HSD17B2: variants seen among roughly 807,000 people sequenced by gnomAD.
HSD17B2 encodes the protein hydroxysteroid 17-beta dehydrogenase 2, also known as 17-beta-hydroxysteroid dehydrogenase type 2.
HSD17B2 carries 32 observed loss-of-function variants against 26.9 expected under a neutral mutation model. The ratio of observed to expected loss-of-function variants is 1.19; its 90% confidence interval spans 0.90 to 1.60. The LOEUF is 1.60. Ranked by LOEUF, HSD17B2 falls within the 40% of genes most tolerant of loss-of-function variation. HSD17B2 has a pLI of 0.00. For missense variants in HSD17B2, 613 were observed against 468.6 expected (o/e 1.31, Z -2.85); for synonymous variants, 246 against 186.7 (o/e 1.32, Z -2.59).
At chr16:82,047,547 TATA>T (rs1295784254) in intron 1 of HSD17B2, among the ~76,000 whole-genome samples, 1 of 152,024 alleles carries the variant, frequency 6.6e-6, no homozygotes, top group African/African-American at 2.4e-5. Flanking sequence ...TGCAGGACAG[TATA>T]ATGTGTGAGA....
At chr16:82,064,134 G>A (rs1321260185) in intron 1 of HSD17B2, among the ~76,000 whole-genome samples, 3 of 152,202 alleles carry the variant, frequency 2.0e-5, no homozygotes, top group Non-Finnish European at 4.4e-5. Flanking sequence ...CTCTTCCAAG[G>A]AACTTTCCTA....
At chr16:82,068,787 C>T (rs1032346118) in intron 2 of HSD17B2, among the ~76,000 whole-genome samples, 1 of 152,202 alleles carries the variant, frequency 6.6e-6, no homozygotes, top group African/African-American at 2.4e-5. Context: ...TGGCTACGCT[C>T]CACGGAACCC....
At chr16:82,082,437 A>G (rs570365393) in intron 3 of HSD17B2, among the ~76,000 whole-genome samples, 6 of 152,322 alleles carry the variant, frequency 3.9e-5, no homozygotes, top group African/African-American at 1.2e-4. Flanking sequence ...CACATTTTAA[A>G]AATCCATTCA....
intron 1 of HSD17B2, among the ~76,000 whole-genome samples, chr16:82,055,650 G>C (rs1208719244): frequency 6.6e-6 from 1 of 152,210 alleles, no homozygotes; most frequent in Non-Finnish European, 1.5e-5. Context: ...AATGATAGAA[G>C]TTATTGACAT....
chr16:82,039,330 TGAGA>T (rs34511068), intron 1 of HSD17B2, among the ~76,000 whole-genome samples: 66,313 of 143,322 alleles, frequency 0.46, 17,990 homozygotes, highest in Non-Finnish European at 0.61. Context: ...AGTTAGCAGA[TGAGA>T]GAGAGAGAGA....
intron 1 of HSD17B2, among the ~76,000 whole-genome samples, chr16:82,048,759 T>C (rs889352099): frequency 6.6e-6 from 1 of 152,216 alleles, no homozygotes; most frequent in African/African-American, 2.4e-5. Flanking sequence ...GCAATTTACT[T>C]ATATAGGAAA....
intron 1 of HSD17B2, among the ~76,000 whole-genome samples, chr16:82,060,187 A>T (rs945766227): frequency 6.6e-6 from 1 of 152,228 alleles, no homozygotes; most frequent in African/African-American, 2.4e-5. Context: ...GGATTGCCTA[A>T]GTCTTAAACT....
chr16:82,053,664 T>C (rs1914176367), intron 1 of HSD17B2, among the ~76,000 whole-genome samples: 3 of 152,138 alleles, frequency 2.0e-5, no homozygotes, highest in African/African-American at 7.2e-5. Context: ...AGAGAGAAGC[T>C]GAGTGAATTG....
intron 4 of HSD17B2, chr16:82,091,784 G>C (rs2142367417): frequency 6.6e-6 from 1 of 152,474 alleles, no homozygotes; most frequent in East Asian, 1.9e-4. Context: ...GCAGGGCTTG[G>C]GTTGCATGGG....
At chr16:82,084,366 C>T (rs1039820473) in intron 3 of HSD17B2, among the ~76,000 whole-genome samples, 1 of 152,034 alleles carries the variant, frequency 6.6e-6, no homozygotes, top group Non-Finnish European at 1.5e-5. Flanking sequence ...AGATATTTCC[C>T]ATGATCTTTG....
intron 1 of HSD17B2, among the ~76,000 whole-genome samples, chr16:82,050,238 G>A (rs984211471): frequency 1.3e-5 from 2 of 151,994 alleles, no homozygotes; most frequent in Non-Finnish European, 2.9e-5. Flanking sequence ...CCTTGCTCAG[G>A]GTTCCCCATC....
At chr16:82,046,091 T>C (rs565150806) in intron 1 of HSD17B2, among the ~76,000 whole-genome samples, 14 of 152,334 alleles carry the variant, frequency 9.2e-5, no homozygotes, top group African/African-American at 3.4e-4. Flanking sequence ...GTGTGATTGA[T>C]GTGAGCCGTG....
intron 3 of HSD17B2, among the ~76,000 whole-genome samples, chr16:82,084,509 G>C (rs1472305962): frequency 2.0e-5 from 3 of 152,266 alleles, no homozygotes; most frequent in South Asian, 2.1e-4. Flanking sequence ...TCAACGGAGA[G>C]AGAGTAATCA....
At chr16:82,075,337 G>C (rs1000979845) in intron 3 of HSD17B2, among the ~76,000 whole-genome samples, 10 of 151,800 alleles carry the variant, frequency 6.6e-5, no homozygotes, top group African/African-American at 2.4e-4. Flanking sequence ...TAGAAGAAAA[G>C]AAATCATAAA....
In HSD17B2 at chr16:82,071,593, G is replaced by A. The variant is rs1559430; in HGVS notation, c.664+466G>A. 8.4e-4 allele frequency: 236 copies of A among 281,270 alleles called. 2 individuals carry two copies. The highest frequency in any genetic ancestry group is 4.7e-3 in the African/African-American group (211 of 45,104). 17.4% of individuals were successfully genotyped at this position (281,270 alleles called of 1,614,324 possible). A position where few individuals can be genotyped will look rare whatever the true frequency, so the allele number is the denominator to read the frequency against. ...ATTGTTAACCCGAAGATTGTCCCCA[G>A]TGTTGAGCAGCCTCAATCCAGCTAG... On this transcript the variant is annotated intron_variant, in intron 3 of 4. Transcript: ENST00000199936.
At chr16:82,052,404 C>G (rs1202999320) in intron 1 of HSD17B2, 1 of 152,244 alleles carries the variant, frequency 6.6e-6, no homozygotes, top group African/African-American at 2.4e-5. Context: ...AGCTGTTCCT[C>G]CTTGGTCAGA....
intron 3 of HSD17B2, among the ~76,000 whole-genome samples, chr16:82,080,136 T>G (rs544684827): frequency 6.6e-6 from 1 of 152,298 alleles, no homozygotes; most frequent in East Asian, 1.9e-4. Flanking sequence ...GTTCCAGTTA[T>G]TCATTGCTGC....
intron 1 of HSD17B2, among the ~76,000 whole-genome samples, chr16:82,051,814 C>A (rs1032128024): frequency 6.6e-6 from 1 of 152,204 alleles, no homozygotes; most frequent in Non-Finnish European, 1.5e-5. Context: ...TGCTGTGTGA[C>A]CTGGGTCAGA....
At chr16:82,065,571 C>G (rs1249037335) in intron 1 of HSD17B2, among the ~76,000 whole-genome samples, 1 of 152,194 alleles carries the variant, frequency 6.6e-6, no homozygotes, top group Non-Finnish European at 1.5e-5. Flanking sequence ...CCACGAAACA[C>G]TTGGTCTCAC....
Sources: allele counts gnomAD v4.1 joint callset (sites outside exome capture counted in the v4.1 genomes callset), GRCh38; gene constraint gnomAD v4.1.1; transcripts MANE v1.5; gene names NCBI Gene and HGNC (gene_info 2026-07-23, HGNC 2026-07-21).